The following ECSCR variants were observed in gnomAD, a reference collection of about 807,000 sequenced individuals.
ECSCR encodes the protein endothelial cell-specific chemotaxis regulator.
In ECSCR, 12 loss-of-function variants were observed where a neutral mutation model predicts 16.7. That is an observed-to-expected ratio of 0.72 (90% CI 0.46 to 1.17). The LOEUF (loss-of-function observed/expected upper bound fraction) is 1.17. Among genes scored for constraint, ECSCR ranks in the 50% most tolerant of loss-of-function variants. The probability of loss-of-function intolerance (pLI) is 0.00; values close to 1 mark genes in which losing one functional copy is unlikely to be tolerated. For synonymous variants in ECSCR, 44 were observed against 42.2 expected (o/e 1.04, Z -0.17); for missense variants, 122 against 116.1 (o/e 1.05, Z -0.23).
Position 139,448,758 on chromosome 5 carries a change from G to A in ECSCR, c.*142C>T. On this transcript the variant is annotated 3_prime_UTR_variant, in exon 10 of 10. Coordinates refer to ENST00000618155, the MANE Select transcript of ECSCR (RefSeq NM_001077693.4). ...TGCTCCCAGATCTGGGGCAATGCTA[G>A]TGTCCTTTAGATCTAGAAGCAGACA... The A allele has an allele frequency of 1.4e-6, 2 of 1,465,822 alleles. No homozygotes were observed. The highest frequency in any genetic ancestry group is 1.8e-6 in the Non-Finnish European group (2 of 1,113,870). 90.8% of individuals were successfully genotyped at this position (1,465,822 alleles called of 1,614,324 possible).
At chr5:139,451,322 G>A (rs886501758) in intron 8 of ECSCR, among the ~76,000 whole-genome samples, 6 of 150,578 alleles carry the variant, frequency 4.0e-5, no homozygotes, top group Non-Finnish European at 7.4e-5. Context: ...TGTGTGTGGT[G>A]TAAGGTGTAT....
chr5:139,457,964 A>G (rs1751196667), intron 2 of ECSCR, 157 bp from the exon 3 acceptor site: 1 of 613,158 alleles, frequency 1.6e-6, no homozygotes, highest in African/African-American at 2.0e-5. Flanking sequence ...CATTAGACTC[A>G]GCTAGGCTGA....
At chr5:139,457,024 T>C (rs1440357766) in intron 4 of ECSCR, among the ~76,000 whole-genome samples, 3 of 152,238 alleles carry the variant, frequency 2.0e-5, no homozygotes, top group Non-Finnish European at 4.4e-5. Flanking sequence ...CATGGGGGCC[T>C]GCGCGGCCTT....
chr5:139,461,657 TG>T (rs1028910522), intron 1 of ECSCR, among the ~76,000 whole-genome samples: 9 of 152,100 alleles, frequency 5.9e-5, no homozygotes, highest in African/African-American at 2.2e-4. Flanking sequence ...TAGGAGGGGA[TG>T]GGGACAATCA....
intron 4 of ECSCR, 60 bp downstream of exon 4, chr5:139,457,485 C>T (rs917445124): frequency 6.4e-6 from 5 of 780,260 alleles, no homozygotes; most frequent in Admixed American, 1.7e-5. Context: ...AGAGCAGAAA[C>T]TGTTGGGGTC....
chr5:139,458,310 A>AT (rs1416774596), intron 1 of ECSCR, 127 bp from the exon 2 acceptor site: 5 of 883,446 alleles, frequency 5.7e-6, no homozygotes, highest in Non-Finnish European at 5.2e-6. Context: ...CTAAAAAAAA[A>AT]TTTTGTTTTG....
At chr5:139,457,632 G>A (rs780199526) in intron 3 of ECSCR, 28 bp from the exon 4 acceptor site, 27 of 1,029,294 alleles carry the variant, frequency 2.6e-5, no homozygotes, top group South Asian at 8.8e-5. Flanking sequence ...GATAGGGAGT[G>A]GGAGGTGGGG....
At chr5:139,454,038 T>C (rs1751101791) in intron 8 of ECSCR, among the ~76,000 whole-genome samples, 1 of 140,752 alleles carries the variant, frequency 7.1e-6, no homozygotes, top group African/African-American at 2.7e-5. Flanking sequence ...GTGTGGTGTG[T>C]GGAGTGGTGG....
At chr5:139,459,661 G>A (rs978011582) in intron 1 of ECSCR, among the ~76,000 whole-genome samples, 10 of 152,210 alleles carry the variant, frequency 6.6e-5, no homozygotes, top group Admixed American at 3.3e-4. Flanking sequence ...AAGTGGAGCC[G>A]CCCAGCTGGG....
Position 139,448,731 on chromosome 5 carries a change from C to T in ECSCR, c.*169G>A. The T allele has an allele frequency of 7.0e-7, 1 of 1,438,848 alleles. No homozygotes were observed. The highest frequency in any genetic ancestry group is 1.5e-5 in the South Asian group (1 of 66,036). 89.1% of individuals were successfully genotyped at this position (1,438,848 alleles called of 1,614,324 possible). On this transcript the variant is annotated 3_prime_UTR_variant, in exon 10 of 10. Coordinates refer to ENST00000618155, the MANE Select transcript of ECSCR (RefSeq NM_001077693.4). ...AGGAAAGAGTCTCCCCTGTTGGTAG[C>T]TTGCTCCCAGATCTGGGGCAATGCT...
intron 1 of ECSCR, among the ~76,000 whole-genome samples, chr5:139,461,250 C>T (rs1751297221): frequency 6.6e-6 from 1 of 152,206 alleles, no homozygotes; most frequent in African/African-American, 2.4e-5. Context: ...TAACGCAGTG[C>T]CTGACATGCT....
Position 139,449,178 on chromosome 5 carries a change from G to C in ECSCR, c.513-4C>G. The C allele has an allele frequency of 6.5e-7, 1 of 1,536,162 alleles. No homozygotes were observed. Among genetic ancestry groups the C allele is most frequent in the Middle Eastern group, 1.7e-4 (1 of 5,988 alleles). On this transcript the variant is annotated splice_region_variant and splice_polypyrimidine_tract_variant and intron_variant, in intron 8 of 9. Transcript: ENST00000618155. Reference sequence around the variant, plus strand: ...CTCTCCATTGGCTGTGGAGCAGCTGGGGGAGGAAGGGGGTCTGGGTTAAAG... The same window carrying C: ...CTCTCCATTGGCTGTGGAGCAGCTGCGGGAGGAAGGGGGTCTGGGTTAAAG...
At chr5:139,450,467 A>AGC (rs938200235) in intron 8 of ECSCR, among the ~76,000 whole-genome samples, 1 of 137,274 alleles carries the variant, frequency 7.3e-6, no homozygotes, top group Non-Finnish European at 1.6e-5. Context: ...CAACAGAGCA[A>AGC]GCCTGTCCCT....
At chr5:139,461,643 G>C (rs746705519) in intron 1 of ECSCR, among the ~76,000 whole-genome samples, 6 of 152,164 alleles carry the variant, frequency 3.9e-5, no homozygotes, top group Admixed American at 6.5e-5. Context: ...TGTCATGGAG[G>C]GGGTAGGAGG....
intron 8 of ECSCR, among the ~76,000 whole-genome samples, chr5:139,451,004 T>A (rs942638430): frequency 2.6e-4 from 40 of 152,150 alleles, no homozygotes; most frequent in Non-Finnish European, 3.1e-4. Flanking sequence ...TCCTGTCATT[T>A]GATTGTTCCC....
intron 1 of ECSCR, among the ~76,000 whole-genome samples, chr5:139,459,690 A>T (rs998952242): frequency 6.6e-6 from 1 of 152,224 alleles, no homozygotes; most frequent in African/African-American, 2.4e-5. Context: ...CCTCTGCTTG[A>T]GCAGGGACTA....
rs985851299 is a variant in ECSCR at position 139,456,475 on chromosome 5, T to C, written c.261A>G (p.Arg87=). 2.8e-5 allele frequency: 11 copies of C among 398,468 alleles called. No individual in the cohort carries two copies. The highest frequency in any genetic ancestry group is 1.3e-4 in the South Asian group (1 of 7,856). 24.7% of individuals were successfully genotyped at this position (398,468 alleles called of 1,614,324 possible). ...CAGGGCGAGTGCAGCAGGACATACC[T>C]CTGCTTGTGCCTCCGTCTCTTCCAC... is the stretch of plus-strand genomic sequence containing the variant. ...PSSGRDGGTS[R]DTFQTVPPNS... Residue 87 remains arginine, a splice_region_variant and synonymous_variant, in exon 5 of 10, where the codon AGA becomes AGG. Coordinates refer to ENST00000618155, the MANE Select transcript of ECSCR (RefSeq NM_001077693.4).
chr5:139,460,864 C>T (rs1030329400), intron 1 of ECSCR, among the ~76,000 whole-genome samples: 4 of 152,094 alleles, frequency 2.6e-5, no homozygotes, highest in Non-Finnish European at 4.4e-5. Flanking sequence ...AAGTTAAAAT[C>T]GTGGATTTTA....
At chr5:139,458,500 C>CAAAAAAAGAAAAA (rs1751215085) in intron 1 of ECSCR, among the ~76,000 whole-genome samples, 1 of 85,382 alleles carries the variant, frequency 1.2e-5, no homozygotes, top group African/African-American at 6.4e-5. Flanking sequence ...CCTATCTCAA[C>CAAAAAAAGAAAAA]AAAAAAAAAA....
Sources: gnomAD v4.1 joint callset for allele counts (sites outside exome capture counted in the v4.1 genomes callset) on GRCh38, gnomAD v4.1.1 for gene constraint, MANE v1.5 for transcripts, NCBI Gene and HGNC (gene_info 2026-07-23, HGNC 2026-07-21) for gene names.